Variants in ARFIP1 observed in about 807,000 individuals in gnomAD.
ARFIP1 encodes ARF interacting protein 1.
Under a neutral mutation model 42.5 loss-of-function variants are expected in ARFIP1, and 24 were observed. The ratio of observed to expected loss-of-function variants is 0.57; its 90% CI spans 0.41 to 0.80. ARFIP1 has a LOEUF of 0.80. Ranked by LOEUF, ARFIP1 falls within the 30% of genes least tolerant of loss-of-function variation. The pLI, the probability that ARFIP1 is intolerant of heterozygous loss-of-function variation, is 0.00. For synonymous variants in ARFIP1, 141 were observed against 153.7 expected (o/e 0.92, Z 0.61); for missense variants, 354 against 434.0 (o/e 0.82, Z 1.64).
chr4:152,900,156 T>G (rs111264878), intron 8 of ARFIP1, among the ~76,000 whole-genome samples: 2,415 of 148,200 alleles, frequency 0.016, 62 homozygotes, highest in African/African-American at 0.057. Flanking sequence ...AGGGAGAAAA[T>G]GAGAGAGGGA....
At chr4:152,789,855 A>G (rs4388067) in intron 1 of ARFIP1, among the ~76,000 whole-genome samples, 1 of 152,020 alleles carries the variant, frequency 6.6e-6, no homozygotes, top group Non-Finnish European at 1.5e-5. Context: ...GTTTTTGAGC[A>G]CTTTTAACTT....
At chr4:152,889,277 A>G (rs970938672) in intron 8 of ARFIP1, among the ~76,000 whole-genome samples, 2 of 151,866 alleles carry the variant, frequency 1.3e-5, no homozygotes, top group Admixed American at 1.3e-4. Flanking sequence ...TATAAAACCT[A>G]TAAAATAATA....
intron 1 of ARFIP1, among the ~76,000 whole-genome samples, chr4:152,782,310 G>A (rs1246919657): frequency 1.3e-5 from 2 of 152,034 alleles, no homozygotes; most frequent in African/African-American, 4.8e-5. Flanking sequence ...GGAGAATGCA[G>A]GGATTCTTCT....
chr4:152,904,361 T>G (rs1271590056), intron 8 of ARFIP1, among the ~76,000 whole-genome samples: 3 of 151,746 alleles, frequency 2.0e-5, no homozygotes, highest in Non-Finnish European at 4.4e-5. Context: ...CCGGCTCATT[T>G]TTCGTATTTT....
intron 2 of ARFIP1, among the ~76,000 whole-genome samples, chr4:152,851,549 A>C (rs1732983016): frequency 6.6e-6 from 1 of 152,172 alleles, no homozygotes; most frequent in African/African-American, 2.4e-5. Context: ...CATATTGAAG[A>C]GTTTAGTCTT....
Position 152,857,092 on chromosome 4 carries a change from G to A in ARFIP1, c.94-6514G>A, listed in dbSNP as rs533865989. ...TAAAAATAGGAAGTAAATAAAAATT[G>A]AGTGTAAGGAATGTTTTCTTTTTGA... On this transcript the variant is annotated intron_variant, in intron 2 of 8. Coordinates refer to ENST00000353617, the MANE Select transcript of ARFIP1 (RefSeq NM_001025595.3). Among the ~76,000 whole-genome samples the A allele has an allele frequency of 4.6e-5, 7 of 152,310 alleles. 1 individual carries two copies. The South Asian group carries it at 1.2e-3, about 27-fold the overall frequency.
intron 2 of ARFIP1, among the ~76,000 whole-genome samples, chr4:152,850,271 AAT>A (rs1277472722): frequency 6.6e-6 from 1 of 152,200 alleles, no homozygotes; most frequent in Non-Finnish European, 1.5e-5. Flanking sequence ...CTAGACAGCG[AAT>A]ATATCAGCTT....
intron 8 of ARFIP1, among the ~76,000 whole-genome samples, chr4:152,893,238 G>A (rs1470911775): frequency 6.6e-6 from 1 of 152,188 alleles, no homozygotes; most frequent in African/African-American, 2.4e-5. Flanking sequence ...GTGAATGAAA[G>A]TCAACTCGGA....
intron 2 of ARFIP1, among the ~76,000 whole-genome samples, chr4:152,856,946 A>G (rs1244137318): frequency 6.6e-6 from 1 of 152,230 alleles, no homozygotes; most frequent in Non-Finnish European, 1.5e-5. Flanking sequence ...AGTAATATAA[A>G]TATGAATGAA....
chr4:152,826,611 T>G (rs1381357765), intron 1 of ARFIP1, among the ~76,000 whole-genome samples: 1 of 152,156 alleles, frequency 6.6e-6, no homozygotes, highest in Non-Finnish European at 1.5e-5. Context: ...CTTGTACCCC[T>G]AAAGCTATTG....
intron 1 of ARFIP1, among the ~76,000 whole-genome samples, chr4:152,826,654 C>T (rs2149843862): frequency 6.6e-6 from 1 of 152,216 alleles, no homozygotes; most frequent in African/African-American, 2.4e-5. Flanking sequence ...AATAGAATTA[C>T]AGTATGATCT....
At chr4:152,897,306 C>G (rs1338535692) in intron 8 of ARFIP1, among the ~76,000 whole-genome samples, 1 of 147,752 alleles carries the variant, frequency 6.8e-6, no homozygotes, top group Admixed American at 6.7e-5. Flanking sequence ...CCTAGCTAAC[C>G]AATTCATATA....
intron 2 of ARFIP1, among the ~76,000 whole-genome samples, chr4:152,844,941 A>G (rs1404507469): frequency 2.6e-5 from 4 of 152,214 alleles, no homozygotes; most frequent in African/African-American, 9.7e-5. Context: ...GGCTGGAGGC[A>G]TCACATTTTG....
chr4:152,796,710 A>C (rs1731491403), intron 1 of ARFIP1: 1 of 865,568 alleles, frequency 1.2e-6, no homozygotes, highest in African/African-American at 1.7e-5. Flanking sequence ...CCTTCAGACC[A>C]ATCATTTTCT....
At chr4:152,895,998 G>A (rs1244233723) in intron 8 of ARFIP1, among the ~76,000 whole-genome samples, 3 of 152,184 alleles carry the variant, frequency 2.0e-5, no homozygotes, top group Non-Finnish European at 4.4e-5. Context: ...TGTGGTAAGT[G>A]TGATGAAGGG....
At chr4:152,827,115 TAACAG>T (rs372924486) in intron 1 of ARFIP1, among the ~76,000 whole-genome samples, 17 of 152,234 alleles carry the variant, frequency 1.1e-4, no homozygotes, top group African/African-American at 4.1e-4. Context: ...TGAATATACT[TAACAG>T]TACTGAACTA....
chr4:152,824,608 T>TATTC (rs1730665945), intron 1 of ARFIP1, among the ~76,000 whole-genome samples: 1 of 152,178 alleles, frequency 6.6e-6, no homozygotes, highest in Non-Finnish European at 1.5e-5. Context: ...AAGCTGAAAG[T>TATTC]ATTCCCCCTA....
At chr4:152,837,186 G>A (rs1427035369) in intron 2 of ARFIP1, among the ~76,000 whole-genome samples, 2 of 152,076 alleles carry the variant, frequency 1.3e-5, no homozygotes, top group Non-Finnish European at 2.9e-5. Flanking sequence ...TGATTGATAG[G>A]CATTTGGGTT....
intron 2 of ARFIP1, among the ~76,000 whole-genome samples, chr4:152,843,364 G>T (rs1732255890): frequency 6.6e-6 from 1 of 152,170 alleles, no homozygotes; most frequent in Admixed American, 6.5e-5. Flanking sequence ...TAGCTTTGGT[G>T]GTTTAATGCT....
Sources: gnomAD v4.1 joint callset for allele counts (sites outside exome capture counted in the v4.1 genomes callset) on GRCh38, gnomAD v4.1.1 for gene constraint, MANE v1.5 for transcripts, NCBI Gene and HGNC (gene_info 2026-07-23, HGNC 2026-07-21) for gene names.